Variants in PCNX2 observed in about 807,000 individuals in gnomAD.
The protein encoded by PCNX2 is pecanex-like protein 2.
In PCNX2, 168 loss-of-function variants were observed where a neutral mutation model predicts 223.8. The observed-to-expected ratio is 0.75, with a 90% confidence interval of 0.66 to 0.85. The LOEUF (loss-of-function observed/expected upper bound fraction) is 0.85. Among genes scored for constraint, PCNX2 ranks in the 40% least tolerant of loss-of-function variants. The pLI is 0.00. For synonymous variants in PCNX2, 1,006 were observed against 1,052.6 expected (o/e 0.96, Z 0.86); for missense variants, 2,507 against 2,675.5 (o/e 0.94, Z 1.39).
chr1:233,056,944 A>C (rs1399041319), intron 24 of PCNX2, among the ~76,000 whole-genome samples: 1 of 152,142 alleles, frequency 6.6e-6, no homozygotes, highest in African/African-American at 2.4e-5. Context: ...CTCAAGGTTT[A>C]TAGTCTGTGT....
intron 21 of PCNX2, among the ~76,000 whole-genome samples, chr1:233,111,428 A>G (rs958380488): frequency 2.6e-5 from 4 of 152,136 alleles, no homozygotes. Flanking sequence ...TTATTTTTTG[A>G]GACAGAGTCT....
intron 1 of PCNX2, among the ~76,000 whole-genome samples, chr1:233,279,417 G>A (rs1661076115): frequency 6.6e-6 from 1 of 151,490 alleles, no homozygotes; most frequent in African/African-American, 2.4e-5. Flanking sequence ...GTGTGTGTGT[G>A]TGTGTAAAAT....
At chr1:233,128,892 G>C (rs1676259728) in intron 21 of PCNX2, among the ~76,000 whole-genome samples, 1 of 152,240 alleles carries the variant, frequency 6.6e-6, no homozygotes, top group African/African-American at 2.4e-5. Context: ...ATGTGTGGTA[G>C]GAGGGTCCCA....
chr1:233,090,588 T>C (rs1271963256), intron 22 of PCNX2, among the ~76,000 whole-genome samples: 1 of 152,226 alleles, frequency 6.6e-6, no homozygotes, highest in Non-Finnish European at 1.5e-5. Context: ...TGAAAATAAA[T>C]AATATAACTG....
intron 10 of PCNX2, among the ~76,000 whole-genome samples, chr1:233,221,464 C>T (rs1229506382): frequency 6.6e-6 from 1 of 152,096 alleles, no homozygotes; most frequent in Non-Finnish European, 1.5e-5. Flanking sequence ...TTCTCCTCTG[C>T]CAGGATTCAA....
intron 21 of PCNX2, among the ~76,000 whole-genome samples, chr1:233,115,581 T>C (rs992331244): frequency 1.2e-4 from 18 of 152,292 alleles, no homozygotes; most frequent in African/African-American, 3.9e-4. Flanking sequence ...CTTTGAACAA[T>C]AGATTAAGGG....
At chr1:233,135,505 A>G (rs1676752861) in intron 20 of PCNX2, among the ~76,000 whole-genome samples, 2 of 152,216 alleles carry the variant, frequency 1.3e-5, no homozygotes, top group Non-Finnish European at 1.5e-5. Flanking sequence ...AAAGTCCCTC[A>G]TGTTCTCCAG....
At chr1:233,079,527 CAAA>C (rs1160625472) in intron 23 of PCNX2, among the ~76,000 whole-genome samples, 5 of 69,388 alleles carry the variant, frequency 7.2e-5, no homozygotes, top group Non-Finnish European at 6.0e-5. Context: ...CACTCCGTCT[CAAA>C]AAAAAAAAAA....
intron 1 of PCNX2, among the ~76,000 whole-genome samples, chr1:233,270,653 AG>A (rs1269840630): frequency 6.6e-6 from 1 of 152,246 alleles, no homozygotes; most frequent in African/African-American, 2.4e-5. Flanking sequence ...AAAGTAGAAT[AG>A]AACACTTTGT....
intron 9 of PCNX2, among the ~76,000 whole-genome samples, chr1:233,235,755 C>T (rs1658347191): frequency 6.6e-6 from 1 of 151,808 alleles, no homozygotes; most frequent in Admixed American, 6.6e-5. Context: ...GCACGTGCCA[C>T]CATGCCAGGC....
chr1:233,188,649 A>C (rs1680244311), intron 15 of PCNX2, among the ~76,000 whole-genome samples: 1 of 151,878 alleles, frequency 6.6e-6, no homozygotes, highest in Non-Finnish European at 1.5e-5. Flanking sequence ...CAACCTCCCA[A>C]GTAGCTGGGA....
chr1:233,283,968 G>A (rs1212102092), intron 1 of PCNX2, among the ~76,000 whole-genome samples: 1 of 152,160 alleles, frequency 6.6e-6, no homozygotes, highest in Non-Finnish European at 1.5e-5. Context: ...TGCGGGTTGG[G>A]GAGAGGTGGG....
chr1:233,089,629 A>G (rs1326402228), intron 23 of PCNX2, among the ~76,000 whole-genome samples: 1 of 152,188 alleles, frequency 6.6e-6, no homozygotes, highest in Non-Finnish European at 1.5e-5. Flanking sequence ...TCTCTTTTCC[A>G]TAGAGCTGTG....
At position 233,054,325 on chromosome 1, in the gene PCNX2, G is replaced by A. The variant is rs1343869078; in HGVS notation, c.4294C>T (p.Leu1432=). The A allele has an allele frequency of 2.5e-6, 4 of 1,613,764 alleles. No homozygotes were observed. The highest frequency in any genetic ancestry group is 3.4e-6 in the Non-Finnish European group (4 of 1,179,870). ...ACAAGACCATTTCCAATTTCAATCA[G>A]GTGAACAAAGGCATTGAGGTCATCT... is the stretch of plus-strand genomic sequence containing the variant. ...ASDDLNAFVH[L]IEIGNGLVTF... is the part of the protein sequence containing the mutation. The change falls in exon 25 of 34, where the codon CTG becomes TTG. Residue 1432 remains leucine (L), a synonymous_variant. Coordinates refer to ENST00000258229, the MANE Select transcript of PCNX2 (RefSeq NM_014801.4).
chr1:233,052,737 A>G (rs2102873740), intron 25 of PCNX2, among the ~76,000 whole-genome samples: 1 of 152,300 alleles, frequency 6.6e-6, no homozygotes, highest in East Asian at 1.9e-4. Flanking sequence ...TCAGTGCTAA[A>G]TAAATGTCTC....
At chr1:233,143,410 T>C (rs777016478) in intron 19 of PCNX2, among the ~76,000 whole-genome samples, 34 of 152,212 alleles carry the variant, frequency 2.2e-4, no homozygotes, top group Non-Finnish European at 4.6e-4. Context: ...ACATTTCTAA[T>C]AAACTTCTAA....
At chr1:233,028,240 A>G (rs1225047882) in intron 25 of PCNX2, among the ~76,000 whole-genome samples, 1 of 152,218 alleles carries the variant, frequency 6.6e-6, no homozygotes, top group Non-Finnish European at 1.5e-5. Context: ...GTAAATGTCA[A>G]TTAGTTTAAA....
rs750210824 is a variant in PCNX2 at position 233,218,195 on chromosome 1, T to G, written c.2505-11A>C. 22 of 476,794 alleles carry G rather than the reference T, an allele frequency of 4.6e-5. No homozygotes were observed. In the South Asian group the frequency reaches 5.5e-4, roughly 12 times the overall value. The allele number at this position is 476,794 out of a possible 1,614,324, so 29.5% of individuals were successfully genotyped here. A position where few individuals can be genotyped will look rare whatever the true frequency, so the allele number is the denominator to read the frequency against. ...TTGATGTCTTCAGTTCTGTGCAAAATATATACATAAAAGCAAAAAAAAAAA... is the reference window on the plus strand; with the variant it reads ...TTGATGTCTTCAGTTCTGTGCAAAAGATATACATAAAAGCAAAAAAAAAAA... On this transcript the variant is annotated splice_polypyrimidine_tract_variant and intron_variant, in intron 10 of 33. Coordinates refer to ENST00000258229, the MANE Select transcript of PCNX2 (RefSeq NM_014801.4).
intron 10 of PCNX2, among the ~76,000 whole-genome samples, chr1:233,226,647 T>G (rs1382377183): frequency 1.3e-5 from 2 of 152,026 alleles, no homozygotes; most frequent in African/African-American, 4.8e-5. Flanking sequence ...CCCCACAACG[T>G]TTTGCTGTAT....
Sources: gnomAD v4.1 joint callset for allele counts (sites outside exome capture counted in the v4.1 genomes callset) on GRCh38, gnomAD v4.1.1 for gene constraint, MANE v1.5 for transcripts, NCBI Gene and HGNC (gene_info 2026-07-23, HGNC 2026-07-21) for gene names.